Variants in BRINP3 observed in about 807,000 individuals in gnomAD.
The protein encoded by BRINP3 is BMP/retinoic acid-inducible neural-specific protein 3.
A neutral mutation model predicts 71.0 loss-of-function variants in BRINP3; 19 were observed. That is an observed-to-expected ratio of 0.27 (90% CI 0.19 to 0.39). BRINP3 has a LOEUF of 0.39. Ranked by LOEUF, BRINP3 falls within the 10% of genes least tolerant of loss-of-function variation. The probability of loss-of-function intolerance (pLI) is 1.00; values close to 1 mark genes in which losing one functional copy is unlikely to be tolerated. For synonymous variants in BRINP3, 380 were observed against 337.7 expected (o/e 1.13, Z -1.37); for missense variants, 959 against 940.8 (o/e 1.02, Z -0.25).
intron 2 of BRINP3, among the ~76,000 whole-genome samples, chr1:190,427,629 G>T (rs1043803161): frequency 2.0e-5 from 3 of 151,988 alleles, no homozygotes; most frequent in Non-Finnish European, 2.9e-5. Context: ...AAAAATGAGG[G>T]TTTGGGTAGC....
At chr1:190,345,592 GC>G (rs1480712504) in intron 2 of BRINP3, among the ~76,000 whole-genome samples, 3 of 150,966 alleles carry the variant, frequency 2.0e-5, no homozygotes, top group Admixed American at 1.3e-4. Flanking sequence ...ACAAAATTAT[GC>G]AAAATGTGCA....
At chr1:190,257,438 C>T (rs1057452980) in intron 4 of BRINP3, among the ~76,000 whole-genome samples, 8 of 152,094 alleles carry the variant, frequency 5.3e-5, no homozygotes, top group African/African-American at 1.9e-4. Context: ...CGAACATCGT[C>T]CTTTAGCTGG....
At chr1:190,127,489 C>T (rs1654182494) in intron 7 of BRINP3, among the ~76,000 whole-genome samples, 1 of 151,786 alleles carries the variant, frequency 6.6e-6, no homozygotes, top group East Asian at 1.9e-4. Flanking sequence ...CCTGTCTTTT[C>T]TTCTTTTTAC....
intron 7 of BRINP3, among the ~76,000 whole-genome samples, chr1:190,114,254 G>A (rs1418809): frequency 0.14 from 21,149 of 152,018 alleles, 2,581 homozygotes; most frequent in African/African-American, 0.29. Context: ...AGCTTCCTGA[G>A]GCCTCCCTAG....
intron 7 of BRINP3, among the ~76,000 whole-genome samples, chr1:190,119,397 C>T (rs1392767130): frequency 6.6e-6 from 1 of 152,068 alleles, no homozygotes; most frequent in Non-Finnish European, 1.5e-5. Context: ...CTGCCTCAGC[C>T]TCCTGAAAGC....
chr1:190,263,058 C>A (rs1419607737), intron 4 of BRINP3, among the ~76,000 whole-genome samples: 2 of 152,068 alleles, frequency 1.3e-5, no homozygotes, highest in Non-Finnish European at 2.9e-5. Context: ...TTCACAGACA[C>A]ACTTGGTGCT....
At chr1:190,271,730 G>A (rs78168679) in intron 3 of BRINP3, among the ~76,000 whole-genome samples, 11 of 151,488 alleles carry the variant, frequency 7.3e-5, no homozygotes, top group South Asian at 2.1e-4. Context: ...GATAAATACC[G>A]CATTTCTACA....
At chr1:190,192,949 T>C (rs1041472488) in intron 6 of BRINP3, among the ~76,000 whole-genome samples, 9 of 152,228 alleles carry the variant, frequency 5.9e-5, no homozygotes, top group African/African-American at 2.2e-4. Flanking sequence ...TTTATTTTCA[T>C]TTGGTGAGTG....
chr1:190,249,978 C>T (rs771260428), intron 4 of BRINP3, among the ~76,000 whole-genome samples: 1 of 151,852 alleles, frequency 6.6e-6, no homozygotes, highest in Non-Finnish European at 1.5e-5. Context: ...AAGGTCAACT[C>T]AGATTTCTGT....
chr1:190,134,825 T>C (rs1322272833), intron 7 of BRINP3, among the ~76,000 whole-genome samples: 4 of 152,068 alleles, frequency 2.6e-5, no homozygotes, highest in Admixed American at 2.0e-4. Flanking sequence ...GTGTCAACAT[T>C]TGGTGTCACT....
chr1:190,396,570 A>G (rs1185284269), intron 2 of BRINP3, among the ~76,000 whole-genome samples: 1 of 151,612 alleles, frequency 6.6e-6, no homozygotes, highest in East Asian at 1.9e-4. Flanking sequence ...GTGGCCATCA[A>G]TTATTTTCTA....
At chr1:190,291,750 T>G (rs1571650542) in intron 2 of BRINP3, among the ~76,000 whole-genome samples, 2 of 152,144 alleles carry the variant, frequency 1.3e-5, no homozygotes, top group South Asian at 4.1e-4. Context: ...GTTTGGAGAT[T>G]TTTCAAAAAA....
Position 190,098,277 on chromosome 1 carries a change from C to T in BRINP3, c.2042G>A (p.Arg681Gln). 6.2e-7 allele frequency: 1 copy of T among 1,614,084 alleles called. No individual in the cohort carries two copies. Among genetic ancestry groups the T allele is most frequent in the South Asian group, 1.1e-5 (1 of 91,082 alleles). The change falls in exon 8 of 8, where the codon CGG becomes CAG. Residue 681 changes from arginine (R) to glutamine (Q), a missense_variant. Coordinates refer to ENST00000367462, the MANE Select transcript of BRINP3 (RefSeq NM_199051.3). ...YSMHFDPEAIRDLILQLDYPY... is the reference protein window; with the variant it reads ...YSMHFDPEAIQDLILQLDYPY... ...GTAGTCCAGCTGCAAAATCAGGTCCCGAATTGCTTCAGGGTCAAAGTGCAT... is the reference window on the plus strand; with the variant it reads ...GTAGTCCAGCTGCAAAATCAGGTCCTGAATTGCTTCAGGGTCAAAGTGCAT...
chr1:190,277,087 T>TTATATATATACATATATATATATATA (rs1662624515), intron 3 of BRINP3, among the ~76,000 whole-genome samples: 1 of 36,006 alleles, frequency 2.8e-5, no homozygotes, highest in Non-Finnish European at 6.7e-5. Flanking sequence ...AATTTTGGTT[T>TTATATATATACATATATATATATATA]TATATATATA....
At position 190,360,093 on chromosome 1, in the gene BRINP3, C is replaced by A. The variant is rs145863420; in HGVS notation, c.237-78343G>T. ...TTCATCATTTCCACTATGTAAGTGG[C>A]ATCTAAACTGTAAATTTCCCTCACT... On this transcript the variant is annotated intron_variant, in intron 2 of 7. Coordinates refer to ENST00000367462, the MANE Select transcript of BRINP3 (RefSeq NM_199051.3). 5.1e-3 allele frequency among the ~76,000 whole-genome samples: 783 copies of A among 152,264 alleles called. 7 individuals are homozygous for A. Among genetic ancestry groups the A allele is most frequent in the African/African-American group, 0.018 (735 of 41,560 alleles).
intron 2 of BRINP3, among the ~76,000 whole-genome samples, chr1:190,432,255 G>T (rs1674148858): frequency 6.6e-6 from 1 of 152,074 alleles, no homozygotes; most frequent in South Asian, 2.1e-4. Context: ...CAACACAACA[G>T]TGCAGTCATG....
intron 2 of BRINP3, among the ~76,000 whole-genome samples, chr1:190,405,880 T>G (rs1309250733): frequency 6.6e-6 from 1 of 152,192 alleles, no homozygotes. Context: ...GACTGAAGAT[T>G]AGTCAGCCAC....
chr1:190,149,603 C>T (rs1281987792), intron 7 of BRINP3, among the ~76,000 whole-genome samples: 2 of 150,638 alleles, frequency 1.3e-5, no homozygotes, highest in Admixed American at 1.3e-4. Context: ...TGTTAGTGTG[C>T]ACTTAGGATA....
intron 7 of BRINP3, among the ~76,000 whole-genome samples, chr1:190,153,446 A>G (rs757391381): frequency 1.6e-4 from 25 of 152,156 alleles, no homozygotes; most frequent in Non-Finnish European, 2.4e-4. Context: ...CCATTTCTCA[A>G]TAACAACATT....
Sources: allele counts gnomAD v4.1 joint callset (sites outside exome capture counted in the v4.1 genomes callset), GRCh38; gene constraint gnomAD v4.1.1; transcripts MANE v1.5; gene names NCBI Gene and HGNC (gene_info 2026-07-23, HGNC 2026-07-21).